The following AADACL3 variants were observed in gnomAD, a reference collection of about 807,000 sequenced individuals.
AADACL3 encodes the protein arylacetamide deacetylase-like 3.
AADACL3 carries 13 observed loss-of-function variants against 13.6 expected under a neutral mutation model. The ratio of observed to expected loss-of-function variants is 0.95; its 90% CI spans 0.62 to 1.52. The LOEUF is 1.52. Ranked by LOEUF, AADACL3 falls within the 40% of genes most tolerant of loss-of-function variation. The pLI is 0.00. For synonymous variants in AADACL3, 195 were observed against 197.0 expected (o/e 0.99, Z 0.08); for missense variants, 519 against 499.2 (o/e 1.04, Z -0.38).
At chr1:12,718,342 A>G (rs3010875) in intron 1 of AADACL3, among the ~76,000 whole-genome samples, 37,428 of 140,856 alleles carry the variant, frequency 0.27, 6,765 homozygotes, top group African/African-American at 0.51. Flanking sequence ...GGGTGACATA[A>G]TGAGGCCTCT....
rs3010876 is a variant in AADACL3, at chr1:12,719,558, C to A, written c.252C>A (p.Asp84Glu). 6.2e-7 allele frequency: 1 copy of A among 1,613,940 alleles called. No homozygotes were observed. The highest frequency in any genetic ancestry group is 8.5e-7 in the Non-Finnish European group (1 of 1,179,920). Residue 84 changes from aspartate (D) to glutamate (E), a missense_variant, in exon 2 of 4, where the codon GAC becomes GAA. By Grantham distance (45) the Asp-to-Glu change is conservative (BLOSUM62 2). Transcript: ENST00000359318. ...AAGATCTGCCTCCGCTAAAGTATGA[C>A]CCCGATGTTGTGGTCACGGATTTCC... ...FMQDLPPLKY[D>E]PDVVVTDFRF...
chr1:12,719,343 G>T, intron 1 of AADACL3, 132 bp from the exon 2 acceptor site: 1 of 823,786 alleles, frequency 1.2e-6, no homozygotes, highest in South Asian at 1.5e-5. Flanking sequence ...CTTGAGTAGG[G>T]CTGTAATCCA....
chr1:12,721,718 A>C (rs559930574), intron 3 of AADACL3, among the ~76,000 whole-genome samples: 85 of 152,282 alleles, frequency 5.6e-4, no homozygotes, highest in Admixed American at 2.8e-3. Flanking sequence ...TTCACTTCCA[A>C]GTGCTCCCAA....
Position 12,725,456 on chromosome 1 carries a change from G to A in AADACL3, c.684G>A (p.Leu228=), listed in dbSNP as rs1467747031. The change falls in exon 4 of 4, where the codon CTG becomes CTA. Residue 228 remains leucine, a synonymous_variant. Transcript: ENST00000359318. The part of the protein sequence containing the change: ...QILIYAILQA[L]DLQTPSFQQR... ...TGATCTATGCCATTCTCCAAGCCCTGGATTTACAAACCCCTTCGTTTCAAC... is the reference window on the plus strand; with the variant it reads ...TGATCTATGCCATTCTCCAAGCCCTAGATTTACAAACCCCTTCGTTTCAAC... 1 of 1,613,902 alleles carries A rather than the reference G, an allele frequency of 6.2e-7. No homozygotes were observed.
chr1:12,719,099 C>G (rs554978388), intron 1 of AADACL3, among the ~76,000 whole-genome samples: 1 of 152,156 alleles, frequency 6.6e-6, no homozygotes, highest in Non-Finnish European at 1.5e-5. Flanking sequence ...TGGGACGGCA[C>G]AGGAAGGCCT....
chr1:12,720,473 C>T (rs925457226), intron 2 of AADACL3, among the ~76,000 whole-genome samples: 3 of 152,156 alleles, frequency 2.0e-5, no homozygotes, highest in Non-Finnish European at 2.9e-5. Flanking sequence ...CAACACTCTA[C>T]GAGTTAGATA....
chr1:12,723,425 C>T (rs1167330922), intron 3 of AADACL3, among the ~76,000 whole-genome samples: 1 of 152,074 alleles, frequency 6.6e-6, no homozygotes, highest in Non-Finnish European at 1.5e-5. Context: ...TCATTGAGAG[C>T]TTCTGTACTG....
intron 2 of AADACL3, 144 bp downstream of exon 2, chr1:12,719,835 G>A (rs1648529861): frequency 2.5e-6 from 2 of 785,298 alleles, no homozygotes; most frequent in Non-Finnish European, 2.0e-6. Flanking sequence ...ATCATTGAGG[G>A]GGCAAAAATA....
Position 12,719,670 on chromosome 1 carries a change from G to A in AADACL3, c.364G>A (p.Gly122Arg), listed in dbSNP as rs973997900. The A allele has an allele frequency of 2.7e-5, 43 of 1,613,924 alleles. No individual in the cohort carries two copies. The highest frequency in any genetic ancestry group is 3.3e-5 in the Non-Finnish European group (39 of 1,180,002). ...KPGIVYYHGG[G>R]GVMGSLKTHH... The stretch of plus-strand genomic sequence containing the variant: ...TGGCATCGTGTACTACCACGGTGGC[G>A]GGGGCGTCATGGGGAGTTTGAGTAA... The change falls in exon 2 of 4, where the codon GGG becomes AGG. Residue 122 changes from glycine to arginine, a missense_variant. Transcript: ENST00000359318.
At chr1:12,721,914 T>C (rs17038427) in intron 3 of AADACL3, among the ~76,000 whole-genome samples, 1 of 152,202 alleles carries the variant, frequency 6.6e-6, no homozygotes, top group African/African-American at 2.4e-5. Flanking sequence ...TGGTTCCTCC[T>C]GGTTAAGTTT....
rs1648518292 is a variant in AADACL3 at position 12,719,493 on chromosome 1, C to T, written c.187C>T (p.Leu63Phe). ...CCAACAGGGGATGATATTTGAGAAG[C>T]TCAGAATCTGTTCTATGCCCCAATT... ...LLTWGMIFEK[L>F]RICSMPQFFC... The change falls in exon 2 of 4, where the codon CTC (leucine) becomes TTC (phenylalanine). Residue 63 changes from leucine (L) to phenylalanine (F), a missense_variant. Coordinates refer to ENST00000359318, the MANE Select transcript of AADACL3 (RefSeq NM_001103170.3). 1 of 1,613,962 alleles carries T rather than the reference C, an allele frequency of 6.2e-7. No individual in the cohort carries two copies. Among genetic ancestry groups the T allele is most frequent in the Non-Finnish European group, 8.5e-7 (1 of 1,179,840 alleles).
chr1:12,720,308 C>G (rs1244280514), intron 2 of AADACL3, among the ~76,000 whole-genome samples: 4 of 152,082 alleles, frequency 2.6e-5, no homozygotes, highest in Non-Finnish European at 4.4e-5. Context: ...GTGTGGGAGC[C>G]TTTGAGAATA....
chr1:12,719,327 T>A, intron 1 of AADACL3, 148 bp from the exon 2 acceptor site: 1 of 763,172 alleles, frequency 1.3e-6, no homozygotes, highest in Non-Finnish European at 2.2e-6. Context: ...CTGAGGGAAC[T>A]GAGGGCTTGA....
Position 12,726,474 on chromosome 1 carries a change from GGTA to G in AADACL3, c.*480_*482del, listed in dbSNP as rs748644373. The stretch of plus-strand genomic sequence containing the variant: ...TGGGCTGCTGTGAGGTGGTGGTGGT[GGTA>G]GAGAAACTGGCTTCACCCACCTACT... On this transcript the variant is annotated 3_prime_UTR_variant, in exon 4 of 4. Coordinates refer to ENST00000359318, the MANE Select transcript of AADACL3 (RefSeq NM_001103170.3). 126 of 157,650 alleles carry G rather than the reference GGTA, an allele frequency of 8.0e-4. No homozygotes were observed. The highest frequency in any genetic ancestry group is 1.4e-3 in the Non-Finnish European group (102 of 71,560). 9.8% of individuals were successfully genotyped at this position (157,650 alleles called of 1,614,324 possible). A position where few individuals can be genotyped will look rare whatever the true frequency, so the allele number is the denominator to read the frequency against.
At chr1:12,720,762 C>A in intron 2 of AADACL3, 121 bp from the exon 3 acceptor site, 1 of 764,370 alleles carries the variant, frequency 1.3e-6, no homozygotes, top group South Asian at 1.4e-5. Flanking sequence ...CGGAAGTTTG[C>A]TGGAGTAGAG....
In AADACL3 at chr1:12,726,983, G is replaced by A. The variant is rs990663712; in HGVS notation, c.*987G>A. On this transcript the variant is annotated 3_prime_UTR_variant, in exon 4 of 4. Transcript: ENST00000359318. ...AAGGTTTGATCCAGGAACTCACACA[G>A]TGCCATCAGCTGTCCTGTCTTCTCT... 6.6e-6 allele frequency: 1 copy of A among 152,374 alleles called. No homozygotes were observed. Among genetic ancestry groups the A allele is most frequent in the Non-Finnish European group, 1.5e-5 (1 of 68,144 alleles). 9.4% of individuals were successfully genotyped at this position (152,374 alleles called of 1,614,324 possible).
intron 1 of AADACL3, among the ~76,000 whole-genome samples, chr1:12,716,555 A>G (rs1329565710): frequency 6.6e-6 from 1 of 152,216 alleles, no homozygotes; most frequent in South Asian, 2.1e-4. Context: ...TAATATTCAC[A>G]AAATTCAAAG....
chr1:12,719,732 C>G, intron 2 of AADACL3, 41 bp downstream of exon 2: 7 of 1,565,440 alleles, frequency 4.5e-6, no homozygotes, highest in Non-Finnish European at 6.2e-6. Flanking sequence ...GGTGGTGGCA[C>G]CCCTTAACAT....
intron 3 of AADACL3, among the ~76,000 whole-genome samples, 192 bp downstream of exon 3, chr1:12,721,138 C>T (rs1431174216): frequency 1.3e-5 from 2 of 152,088 alleles, no homozygotes; most frequent in Admixed American, 1.3e-4. Flanking sequence ...TGTGGTGGCT[C>T]ACGCCTGTAA....
Sources: gnomAD v4.1 joint callset for allele counts (sites outside exome capture counted in the v4.1 genomes callset) on GRCh38, gnomAD v4.1.1 for gene constraint, MANE v1.5 for transcripts, NCBI Gene and HGNC (gene_info 2026-07-23, HGNC 2026-07-21) for gene names.